The following CACNA1B variants were observed in gnomAD, a reference collection of about 807,000 sequenced individuals.
CACNA1B encodes the protein voltage-dependent N-type calcium channel subunit alpha-1B.
In CACNA1B, 70 loss-of-function variants were observed where a neutral mutation model predicts 247.2. That is an observed-to-expected ratio of 0.28 (90% CI 0.23 to 0.35). The LOEUF (loss-of-function observed/expected upper bound fraction) is 0.35, where lower values mean the gene tolerates loss of function less well. CACNA1B is among the 10% of genes least tolerant of loss of function. CACNA1B has a pLI of 1.00. For synonymous variants in CACNA1B, 1,231 were observed against 1,294.4 expected (o/e 0.95, Z 1.05); for missense variants, 2,367 against 3,197.4 (o/e 0.74, Z 6.26).
intron 3 of CACNA1B, among the ~76,000 whole-genome samples, chr9:137,906,297 G>A (rs1957298126): frequency 6.6e-6 from 1 of 152,172 alleles, no homozygotes; most frequent in Non-Finnish European, 1.5e-5. Flanking sequence ...GACATTTCAG[G>A]ATTTGTCAGA....
chr9:137,910,731 G>A (rs767543764), intron 3 of CACNA1B, among the ~76,000 whole-genome samples: 87 of 152,204 alleles, frequency 5.7e-4, no homozygotes, highest in Non-Finnish European at 1.1e-3. Context: ...TACCACCGCC[G>A]ATCTGACAGG....
rs1960215541 is a variant in CACNA1B at position 138,073,802 on chromosome 9, A to G, written c.4791+198A>G. ...AGGTTCCCTTGGTCATGCTCACAAG[A>G]ACCCTGAGGTGGGTTTCATGACTCC... On this transcript the variant is annotated intron_variant, in intron 33 of 46. Coordinates refer to ENST00000371372, the MANE Select transcript of CACNA1B (RefSeq NM_000718.4). The surrounding 1 kb of genome is among the most constrained non-coding windows in gnomAD (Gnocchi z 6.4). 5.3e-5 allele frequency among the ~76,000 whole-genome samples: 8 copies of G among 152,232 alleles called. No individual in the cohort carries two copies. In the South Asian group the frequency reaches 1.7e-3, roughly 32 times the overall value.
chr9:138,103,531 A>G (rs1961324668), intron 38 of CACNA1B, among the ~76,000 whole-genome samples: 1 of 152,116 alleles, frequency 6.6e-6, no homozygotes, highest in Admixed American at 6.5e-5. Flanking sequence ...GGATGCCTCC[A>G]GGCCTCCCTC....
At chr9:137,930,907 C>G (rs1957600197) in intron 6 of CACNA1B, among the ~76,000 whole-genome samples, 1 of 151,768 alleles carries the variant, frequency 6.6e-6, no homozygotes, top group Non-Finnish European at 1.5e-5. Flanking sequence ...TCTAGCCACT[C>G]CAATTTAAAA....
chr9:138,077,242 G>C (rs867145196), intron 35 of CACNA1B, among the ~76,000 whole-genome samples: 1 of 152,234 alleles, frequency 6.6e-6, no homozygotes, highest in Non-Finnish European at 1.5e-5. Context: ...GACACACGGA[G>C]GTGGGGACCC....
At chr9:138,115,375 C>G (rs1010931759) in intron 41 of CACNA1B, among the ~76,000 whole-genome samples, 177 bp from the exon 42 acceptor site, 1 of 152,178 alleles carries the variant, frequency 6.6e-6, no homozygotes, top group African/African-American at 2.4e-5. Flanking sequence ...TGGTCACATG[C>G]TCATATTTAG....
chr9:137,940,543 A>G (rs747742865), intron 6 of CACNA1B, among the ~76,000 whole-genome samples: 13 of 152,226 alleles, frequency 8.5e-5, no homozygotes, highest in Non-Finnish European at 1.9e-4. Flanking sequence ...ATAGACAAAG[A>G]GGGAATCCTC....
intron 6 of CACNA1B, among the ~76,000 whole-genome samples, chr9:137,931,239 G>A (rs775120333): frequency 4.0e-5 from 6 of 151,694 alleles, no homozygotes; most frequent in East Asian, 1.9e-4. Context: ...TCGGGCTCGC[G>A]TAAACGGCTC....
rs1198465449 is a variant in CACNA1B, at chr9:138,012,691, G to A, written c.2161-438G>A. Among the ~76,000 whole-genome samples, 1 of 151,562 alleles carries A rather than the reference G, an allele frequency of 6.6e-6. No homozygotes were observed. Among genetic ancestry groups the A allele is most frequent in the East Asian group, 1.9e-4 (1 of 5,172 alleles). The stretch of plus-strand genomic sequence containing the variant: ...ATTGAGCCACTGCCCTCCAGCTTGG[G>A]TGACAGAGCGAGACCCTGTCTCTAA... On this transcript the variant is annotated intron_variant, in intron 17 of 46. Transcript: ENST00000371372. The surrounding 1 kb of genome is among the most constrained non-coding windows in gnomAD (Gnocchi z 4.2).
chr9:138,121,945 G>A lies in CACNA1B; in HGVS notation c.6966G>A (p.Ser2322=), dbSNP rs376970330. The change falls in exon 47 of 47, where the codon TCG becomes TCA. Residue 2322 remains serine (S), a synonymous_variant. Coordinates refer to ENST00000371372, the MANE Select transcript of CACNA1B (RefSeq NM_000718.4). This position sits in a 1 kb window ranked among gnomAD's most constrained non-coding sequence, Gnocchi z 6.8. ...NGYHCTLGLS[S]GGRARHSYHH... ...ACCACTGCACCCTGGGACTCAGCTC[G>A]GGTGGCCGAGCACGGCACAGCTACC... 63 of 1,606,120 alleles carry A rather than the reference G, an allele frequency of 3.9e-5. 1 individual carries two copies. The highest frequency in any genetic ancestry group is 1.7e-4 in the African/African-American group (13 of 75,040).
rs1263172261 is a variant in CACNA1B, at chr9:138,020,617, G to A, written c.2268-2394G>A. Among the ~76,000 whole-genome samples, 1 of 152,208 alleles carries A rather than the reference G, an allele frequency of 6.6e-6. No individual in the cohort carries two copies. The highest frequency in any genetic ancestry group is 1.5e-5 in the Non-Finnish European group (1 of 68,038). On this transcript the variant is annotated intron_variant, in intron 18 of 46. Coordinates refer to ENST00000371372, the MANE Select transcript of CACNA1B (RefSeq NM_000718.4). This position sits in a 1 kb window ranked among gnomAD's most constrained non-coding sequence, Gnocchi z 4.1. ...GTCTCTGGTGACGTTAGGGCTGACAGTGGCAGATAGGCCCGGAAGGAACAG... is the reference window on the plus strand; with the variant it reads ...GTCTCTGGTGACGTTAGGGCTGACAATGGCAGATAGGCCCGGAAGGAACAG...
chr9:138,060,824 G>A (rs114342372), intron 31 of CACNA1B, among the ~76,000 whole-genome samples: 1,581 of 152,264 alleles, frequency 0.01, 20 homozygotes, highest in African/African-American at 0.036. Context: ...GCGGAGCTCC[G>A]TCTGCTGTGC....
chr9:138,000,186 C>T (rs935214599), intron 15 of CACNA1B, among the ~76,000 whole-genome samples: 6 of 151,700 alleles, frequency 4.0e-5, no homozygotes, highest in Non-Finnish European at 8.8e-5. Flanking sequence ...GCAAGCTCCG[C>T]CTCCCGGGTT....
At chr9:137,906,345 G>C (rs1240143514) in intron 3 of CACNA1B, among the ~76,000 whole-genome samples, 1 of 152,148 alleles carries the variant, frequency 6.6e-6, no homozygotes, top group Non-Finnish European at 1.5e-5. Context: ...AAGCTATAAG[G>C]TGAAGGGAGG....
chr9:137,951,355 G>T (rs1957875929), intron 6 of CACNA1B, among the ~76,000 whole-genome samples: 1 of 152,212 alleles, frequency 6.6e-6, no homozygotes, highest in African/African-American at 2.4e-5. Flanking sequence ...GACACTGGAG[G>T]GCAGGAATGC....
chr9:138,031,917 A>G (rs1160313538), intron 20 of CACNA1B, among the ~76,000 whole-genome samples: 1 of 152,078 alleles, frequency 6.6e-6, no homozygotes, highest in Non-Finnish European at 1.5e-5. Context: ...AATTTCTTGT[A>G]GATAGTATTC....
rs12550870 is a variant in CACNA1B, at chr9:138,070,533, C to G, written c.4674+770C>G. Among the ~76,000 whole-genome samples the G allele has an allele frequency of 6.9e-3, 1,051 of 152,300 alleles. 60 individuals carry two copies. The highest frequency in any genetic ancestry group is 0.062 in the Admixed American group (955 of 15,294). On this transcript the variant is annotated intron_variant, in intron 32 of 46. Transcript: ENST00000371372. ...AGAGCAAAGATATTTGGTAACTGAC[C>G]CAACTTTAGCTGTGACTGTGGAAAT... is the stretch of plus-strand genomic sequence containing the variant.
chr9:138,052,265 T>C lies in CACNA1B; in HGVS notation c.3807+77T>C. The C allele has an allele frequency of 1.3e-6, 1 of 769,942 alleles. No individual in the cohort carries two copies. The allele number at this position is 769,942 out of a possible 1,614,324, so 47.7% of individuals were successfully genotyped here. On this transcript the variant is annotated intron_variant, in intron 25 of 46. Coordinates refer to ENST00000371372, the MANE Select transcript of CACNA1B (RefSeq NM_000718.4). This position sits in a 1 kb window ranked among gnomAD's most constrained non-coding sequence, Gnocchi z 5.1. ...GTGTGTGTGCGTGTGTGTGTGTGTATGCATGCAGTGCATGAGTGTGTGTGT... is the reference window on the plus strand; with the variant it reads ...GTGTGTGTGCGTGTGTGTGTGTGTACGCATGCAGTGCATGAGTGTGTGTGT...
chr9:138,071,435 G>A (rs567115830), intron 32 of CACNA1B, among the ~76,000 whole-genome samples: 54 of 152,310 alleles, frequency 3.5e-4, no homozygotes, highest in Admixed American at 2.2e-3. Context: ...GTGGCGCTGC[G>A]TGTGCTTCTG....
Sources: gnomAD v4.1 joint callset for allele counts (sites outside exome capture counted in the v4.1 genomes callset) on GRCh38, gnomAD v4.1.1 for gene constraint, Gnocchi (gnomAD v3.1) non-coding constraint, MANE v1.5 for transcripts, NCBI Gene and HGNC (gene_info 2026-07-23, HGNC 2026-07-21) for gene names.